RAB3GAP2: variants seen among roughly 807,000 people sequenced by gnomAD.
The protein encoded by RAB3GAP2 is RAB3 GTPase activating non-catalytic protein subunit 2, also known as rab3 GTPase-activating protein non-catalytic subunit.
Under a neutral mutation model 185.3 loss-of-function variants are expected in RAB3GAP2, and 87 were observed. The ratio of observed to expected loss-of-function variants is 0.47; its 90% CI spans 0.39 to 0.56. The LOEUF is 0.56. Ranked by LOEUF, RAB3GAP2 falls within the 20% of genes least tolerant of loss-of-function variation. RAB3GAP2 has a pLI of 0.00. For synonymous variants in RAB3GAP2, 554 were observed against 576.1 expected (o/e 0.96, Z 0.55); for missense variants, 1,492 against 1,638.2 (o/e 0.91, Z 1.54).
chr1:220,252,820 C>T (rs1659963304), intron 1 of RAB3GAP2, among the ~76,000 whole-genome samples: 2 of 152,156 alleles, frequency 1.3e-5, no homozygotes, highest in South Asian at 4.1e-4. Context: ...ATGAGTTTTA[C>T]ATACTACAGC....
chr1:220,171,152 A>G, intron 23 of RAB3GAP2, 32 bp from the exon 24 acceptor site: 1 of 1,578,168 alleles, frequency 6.3e-7, no homozygotes. Context: ...ATTCTTTGCC[A>G]AAGATTCTGA....
At chr1:220,231,734 C>A (rs140421224) in intron 2 of RAB3GAP2, among the ~76,000 whole-genome samples, 62 of 152,294 alleles carry the variant, frequency 4.1e-4, no homozygotes, top group African/African-American at 1.5e-3. Flanking sequence ...TTGCTAGAGA[C>A]GTCTAAGAAA....
At chr1:220,172,300 G>A (rs1346845071) in intron 22 of RAB3GAP2, among the ~76,000 whole-genome samples, 1 of 152,046 alleles carries the variant, frequency 6.6e-6, no homozygotes, top group Non-Finnish European at 1.5e-5. Context: ...ACTGAAAACT[G>A]TTGAATATTT....
intron 9 of RAB3GAP2, 79 bp from the exon 10 acceptor site, chr1:220,196,477 T>C: frequency 7.5e-7 from 1 of 1,341,652 alleles, no homozygotes; most frequent in Non-Finnish European, 1.1e-6. Context: ...CATTCTAAGA[T>C]GCTAAATGTT....
chr1:220,202,139 T>C (rs534057310), intron 9 of RAB3GAP2, 137 bp downstream of exon 9: 9 of 944,610 alleles, frequency 9.5e-6, no homozygotes, highest in Non-Finnish European at 1.3e-5. Flanking sequence ...CACTCCTGCC[T>C]GGGTGACAGA....
In RAB3GAP2 at chr1:220,184,087, G is replaced by A; in HGVS notation, c.1947C>T (p.Val649=). Residue 649 remains valine, a synonymous_variant, in exon 19 of 35, where the codon GTC becomes GTT. Transcript: ENST00000358951. ...GAAAATCAAGGGAATTTAATTGACT[G>A]ACAGACTCATAGAGTTGCAGCAGTT... ...KLKLLQLYES[V]SQLNSLDFHL... is the part of the protein sequence containing the mutation. The A allele has an allele frequency of 6.2e-7, 1 of 1,602,188 alleles. No homozygotes were observed. Among genetic ancestry groups the A allele is most frequent in the Admixed American group, 1.7e-5 (1 of 59,944 alleles).
intron 13 of RAB3GAP2, 46 bp downstream of exon 13, chr1:220,193,194 G>A: frequency 2.5e-6 from 4 of 1,603,840 alleles, no homozygotes; most frequent in Non-Finnish European, 3.4e-6. Context: ...CAACTATTGG[G>A]GTAAAAAGTG....
chr1:220,223,317 A>C (rs1659342589), intron 2 of RAB3GAP2, among the ~76,000 whole-genome samples: 1 of 152,226 alleles, frequency 6.6e-6, no homozygotes, highest in African/African-American at 2.4e-5. Flanking sequence ...GATAAACAAT[A>C]CTAGTAAATA....
chr1:220,234,866 A>G (rs1372160548), intron 1 of RAB3GAP2, among the ~76,000 whole-genome samples: 1 of 152,250 alleles, frequency 6.6e-6, no homozygotes, highest in Non-Finnish European at 1.5e-5. Context: ...AGAGGCAGAA[A>G]GATGCAATGT....
chr1:220,169,283 A>T (rs1239899228), intron 24 of RAB3GAP2, among the ~76,000 whole-genome samples: 1 of 152,240 alleles, frequency 6.6e-6, no homozygotes, highest in African/African-American at 2.4e-5. Context: ...GCTGCTGATA[A>T]AAAGTGTGAG....
chr1:220,186,651 A>G (rs1658513167), intron 17 of RAB3GAP2, among the ~76,000 whole-genome samples: 3 of 152,188 alleles, frequency 2.0e-5, no homozygotes. Context: ...CAAAGCCTGA[A>G]CTGGTTTCTT....
At position 220,153,199 on chromosome 1, in the gene RAB3GAP2, G is replaced by A; in HGVS notation, c.3853C>T (p.His1285Tyr). 2 of 1,610,638 alleles carry A rather than the reference G, an allele frequency of 1.2e-6. No individual in the cohort carries two copies. The highest frequency in any genetic ancestry group is 1.7e-6 in the Non-Finnish European group (2 of 1,176,850). ...VGELYNYGVD[H>Y]LGEEAILQVH... ...GTCATGATTACCTCTTCTCCTAAGTGGTCAACTCCATAGTTGTATAGTTCC... is the reference window on the plus strand; with the variant it reads ...GTCATGATTACCTCTTCTCCTAAGTAGTCAACTCCATAGTTGTATAGTTCC... Residue 1285 changes from histidine to tyrosine, a missense_variant, in exon 33 of 35, where the codon CAC becomes TAC. Around this residue, in one of 5 missense-constraint regions of RAB3GAP2, gnomAD observed 387 missense variants for 455.3 expected, o/e 0.85. Transcript: ENST00000358951.
chr1:220,157,974 G>A, intron 29 of RAB3GAP2, 98 bp from the exon 30 acceptor site: 1 of 900,182 alleles, frequency 1.1e-6, no homozygotes, highest in South Asian at 1.4e-5. Context: ...TGGTTCAGCT[G>A]ACTTTCCACA....
chr1:220,232,776 T>C (rs369143543), intron 2 of RAB3GAP2, 23 bp downstream of exon 2: 2 of 1,586,572 alleles, frequency 1.3e-6, no homozygotes, highest in African/African-American at 2.7e-5. Flanking sequence ...TCAAAAAACA[T>C]GCATATATTT....
chr1:220,196,161 C>G (rs1658718840), intron 10 of RAB3GAP2, 89 bp downstream of exon 10: 2 of 1,410,978 alleles, frequency 1.4e-6, no homozygotes, highest in Non-Finnish European at 2.0e-6. Flanking sequence ...GCTTAATCTT[C>G]TAAGGCTAAG....
chr1:220,218,463 A>G (rs1659239875), intron 2 of RAB3GAP2, among the ~76,000 whole-genome samples: 1 of 152,188 alleles, frequency 6.6e-6, no homozygotes, highest in South Asian at 2.1e-4. Context: ...AACTTGTCAC[A>G]TCATTCTGAG....
rs542613077 is a variant in RAB3GAP2, at chr1:220,170,552, A to C, written c.2806+340T>G. On this transcript the variant is annotated intron_variant, in intron 24 of 34. Coordinates refer to ENST00000358951, the MANE Select transcript of RAB3GAP2 (RefSeq NM_012414.4). The stretch of plus-strand genomic sequence containing the variant: ...GATTCTCCAATCAGTTTTGCCATTC[A>C]ATCTATTGTGCTCTGTGTTTTGGTT... Among the ~76,000 whole-genome samples the C allele has an allele frequency of 3.3e-5, 5 of 152,254 alleles. No homozygotes were observed. In the South Asian group the frequency reaches 1.0e-3, roughly 32 times the overall value.
intron 17 of RAB3GAP2, among the ~76,000 whole-genome samples, chr1:220,187,968 T>C (rs1372626559): frequency 6.6e-6 from 1 of 151,998 alleles, no homozygotes; most frequent in Middle Eastern, 3.2e-3. Context: ...GTAGAAGTCT[T>C]GTGGGACTGA....
intron 2 of RAB3GAP2, among the ~76,000 whole-genome samples, chr1:220,217,678 A>G (rs182292381): frequency 2.0e-5 from 3 of 152,252 alleles, no homozygotes; most frequent in African/African-American, 7.2e-5. Flanking sequence ...AGCATTCCCT[A>G]TCTCTTAAAT....
Sources: gnomAD v4.1 joint callset for allele counts (sites outside exome capture counted in the v4.1 genomes callset) on GRCh38, gnomAD v4.1.1 for gene constraint, gnomAD v4.1.1 regional missense constraint, MANE v1.5 for transcripts, NCBI Gene and HGNC (gene_info 2026-07-23, HGNC 2026-07-21) for gene names.